USP15: variants seen among roughly 807,000 people sequenced by gnomAD.
USP15 encodes ubiquitin carboxyl-terminal hydrolase 15.
Under a neutral mutation model 127.1 loss-of-function variants are expected in USP15, and 18 were observed. That is an observed-to-expected ratio of 0.14 (90% CI 0.10 to 0.21). USP15 has a LOEUF of 0.21. Ranked by LOEUF, USP15 falls within the 10% of genes least tolerant of loss-of-function variation. The pLI is 1.00. For missense variants in USP15, 805 were observed against 1,159.9 expected, an observed-to-expected ratio of 0.69 and a Z score of 4.44; for synonymous variants, 364 against 393.7, an observed-to-expected ratio of 0.92 and a Z score of 0.89.
intron 1 of USP15, among the ~76,000 whole-genome samples, chr12:62,279,387 C>T (rs1165935261): frequency 1.3e-5 from 2 of 152,130 alleles, no homozygotes; most frequent in African/African-American, 2.4e-5. Flanking sequence ...CATCAAAAGA[C>T]ATTAAGGTTG....
At chr12:62,387,532 A>T (rs927147822) in intron 11 of USP15, among the ~76,000 whole-genome samples, 4 of 152,166 alleles carry the variant, frequency 2.6e-5, no homozygotes, top group African/African-American at 9.7e-5. Flanking sequence ...TGTTATAAGG[A>T]AAGGGAATTT....
chr12:62,272,914 G>C (rs1210459573), intron 1 of USP15, among the ~76,000 whole-genome samples: 1 of 152,006 alleles, frequency 6.6e-6, no homozygotes, highest in Non-Finnish European at 1.5e-5. Context: ...TTGTGAGGTA[G>C]TCCCAGTGGT....
At chr12:62,295,979 C>T (rs975263016) in intron 2 of USP15, among the ~76,000 whole-genome samples, 2 of 151,386 alleles carry the variant, frequency 1.3e-5, no homozygotes, top group Non-Finnish European at 3.0e-5. Context: ...CACACATACC[C>T]TTTAAAAACA....
intron 1 of USP15, among the ~76,000 whole-genome samples, chr12:62,285,006 A>G (rs1240904444): frequency 1.3e-5 from 2 of 152,026 alleles, no homozygotes; most frequent in African/African-American, 4.8e-5. Flanking sequence ...CTTGCCCCAT[A>G]TTTTACTACT....
rs540477662 is a variant in USP15, at chr12:62,380,786, C to T, written c.916-704C>T. Among the ~76,000 whole-genome samples the T allele has an allele frequency of 9.2e-5, 14 of 152,024 alleles. No individual in the cohort carries two copies. The South Asian group carries it at 2.7e-3, about 29-fold the overall frequency. On this transcript the variant is annotated intron_variant, in intron 8 of 21. Coordinates refer to ENST00000280377, the MANE Select transcript of USP15 (RefSeq NM_001252078.2). Reference sequence around the variant, plus strand: ...TGAGATAAAATGTTGAAAAATTGTACGTCTGCCATGTTTTATTTTAAATAT... The same window carrying T: ...TGAGATAAAATGTTGAAAAATTGTATGTCTGCCATGTTTTATTTTAAATAT...
chr12:62,303,980 T>G (rs1234797945), intron 3 of USP15, among the ~76,000 whole-genome samples: 1 of 152,146 alleles, frequency 6.6e-6, no homozygotes, highest in African/African-American at 2.4e-5. Flanking sequence ...AGGTAGCCTA[T>G]TTAGCTGTAA....
chr12:62,336,270 C>G, intron 6 of USP15: 8 of 985,390 alleles, frequency 8.1e-6, no homozygotes, highest in Non-Finnish European at 9.6e-6. Context: ...CCAGATTTTT[C>G]ATAAATTTCA....
At chr12:62,300,044 G>A (rs2064260807) in intron 2 of USP15, among the ~76,000 whole-genome samples, 1 of 151,876 alleles carries the variant, frequency 6.6e-6, no homozygotes, top group Admixed American at 6.6e-5. Context: ...TATTTATTTA[G>A]GATGCTAGAC....
intron 1 of USP15, among the ~76,000 whole-genome samples, chr12:62,290,089 A>C (rs964938000): frequency 4.6e-5 from 7 of 152,148 alleles, no homozygotes; most frequent in African/African-American, 1.7e-4. Flanking sequence ...ATATTCTGCT[A>C]TTTGGGGCTA....
At chr12:62,298,743 T>C (rs1340599668) in intron 2 of USP15, among the ~76,000 whole-genome samples, 1 of 150,582 alleles carries the variant, frequency 6.6e-6, no homozygotes, top group African/African-American at 2.5e-5. Context: ...GTGAGATGAT[T>C]GCTTCAGCCC....
intron 1 of USP15, among the ~76,000 whole-genome samples, chr12:62,276,709 T>C (rs902239692): frequency 9.9e-5 from 15 of 152,108 alleles, no homozygotes; most frequent in Admixed American, 2.6e-4. Context: ...TGATTGCAAA[T>C]GAATTGTGCT....
In USP15 at chr12:62,410,307, A is replaced by G. The variant is rs891160247; in HGVS notation, c.*5932A>G. ...TCTATTTGTAATCACATTGTGGTGAATTATCAGTCTCCCAAGAATTATGTA... is the reference window on the plus strand; with the variant it reads ...TCTATTTGTAATCACATTGTGGTGAGTTATCAGTCTCCCAAGAATTATGTA... On this transcript the variant is annotated 3_prime_UTR_variant, in exon 22 of 22. Transcript: ENST00000280377. The G allele has an allele frequency of 1.3e-5, 2 of 152,156 alleles. No individual in the cohort carries two copies. The highest frequency in any genetic ancestry group is 2.9e-5 in the Non-Finnish European group (2 of 68,016). The allele number at this position is 152,156 out of a possible 1,614,324, so 9.4% of individuals were successfully genotyped here.
chr12:62,393,456 A>G (rs1279550937), intron 19 of USP15, among the ~76,000 whole-genome samples: 1 of 152,202 alleles, frequency 6.6e-6, no homozygotes, highest in Non-Finnish European at 1.5e-5. Flanking sequence ...CTTCTGTGTT[A>G]TATTACCTAT....
intron 8 of USP15, among the ~76,000 whole-genome samples, chr12:62,377,416 C>G (rs1286964852): frequency 1.3e-5 from 2 of 152,078 alleles, no homozygotes; most frequent in African/African-American, 2.4e-5. Context: ...TACATTATGA[C>G]CAACTTTAAG....
chr12:62,347,547 C>A (rs893262017), intron 6 of USP15, among the ~76,000 whole-genome samples: 2 of 151,882 alleles, frequency 1.3e-5, no homozygotes, highest in African/African-American at 2.4e-5. Flanking sequence ...ATAACTCAGT[C>A]TCTAATCAAT....
intron 7 of USP15, 61 bp downstream of exon 7, chr12:62,349,368 A>T: frequency 1.0e-5 from 11 of 1,079,770 alleles, no homozygotes; most frequent in South Asian, 2.5e-5. Context: ...GTTGCAAAAA[A>T]TCTCTTGTAT....
In USP15 at chr12:62,411,289, C is replaced by T. The variant is rs2068034863; in HGVS notation, c.*6914C>T. The stretch of plus-strand genomic sequence containing the variant: ...TTTTTACTCTTTAACTGGCTCCTCA[C>T]TTTTTAGATGGATGGCACTGGGCTC... On this transcript the variant is annotated 3_prime_UTR_variant, in exon 22 of 22. Transcript: ENST00000280377. 1 of 152,242 alleles carries T rather than the reference C, an allele frequency of 6.6e-6. No individual in the cohort carries two copies. Among genetic ancestry groups the T allele is most frequent in the African/African-American group, 2.4e-5 (1 of 41,442 alleles). 9.4% of individuals were successfully genotyped at this position (152,242 alleles called of 1,614,324 possible). A position where few individuals can be genotyped will look rare whatever the true frequency, so the allele number is the denominator to read the frequency against.
rs180973456 is a variant in USP15, at chr12:62,395,307, T to A, written c.2571-988T>A. On this transcript the variant is annotated intron_variant, in intron 19 of 21. Coordinates refer to ENST00000280377, the MANE Select transcript of USP15 (RefSeq NM_001252078.2). Reference sequence around the variant, plus strand: ...TTTTCCTGGTATACTGAGAGTTAAATGTGTTAGCATGAAAACGTTTATCTG... The same window carrying A: ...TTTTCCTGGTATACTGAGAGTTAAAAGTGTTAGCATGAAAACGTTTATCTG... 1.9e-3 allele frequency among the ~76,000 whole-genome samples: 295 copies of A among 152,294 alleles called. 2 individuals are homozygous for A. Among genetic ancestry groups the A allele is most frequent in the African/African-American group, 7.0e-3 (289 of 41,562 alleles).
At chr12:62,277,090 T>G (rs2063514778) in intron 1 of USP15, among the ~76,000 whole-genome samples, 1 of 152,286 alleles carries the variant, frequency 6.6e-6, no homozygotes, top group South Asian at 2.1e-4. Flanking sequence ...ATAACTTCTG[T>G]GTTAAACAAA....
Sources: allele counts gnomAD v4.1 joint callset (sites outside exome capture counted in the v4.1 genomes callset), GRCh38; gene constraint gnomAD v4.1.1; transcripts MANE v1.5; gene names NCBI Gene and HGNC (gene_info 2026-07-23, HGNC 2026-07-21).